Variants in BAG4 observed in about 807,000 individuals in gnomAD.
BAG4 encodes the protein BAG family molecular chaperone regulator 4.
Under a neutral mutation model 52.1 loss-of-function variants are expected in BAG4, and 28 were observed. The observed-to-expected ratio is 0.54, with a 90% CI of 0.40 to 0.74. BAG4 has a LOEUF of 0.74. Among genes scored for constraint, BAG4 ranks in the 30% least tolerant of loss-of-function variants. The pLI, the probability that BAG4 is intolerant of heterozygous loss-of-function variation, is 0.00. For synonymous variants in BAG4, 208 were observed against 217.0 expected, an observed-to-expected ratio of 0.96 and a Z score of 0.37; for missense variants, 525 against 572.0, an observed-to-expected ratio of 0.92 and a Z score of 0.84.
chr8:38,183,680 A>AT (rs571609602), intron 1 of BAG4, among the ~76,000 whole-genome samples: 149 of 149,716 alleles, frequency 1.0e-3, no homozygotes, highest in Middle Eastern at 3.5e-3. Flanking sequence ...TAATCTATTG[A>AT]TTTTTTTTTT....
chr8:38,198,907 T>TA (rs1294791648), intron 2 of BAG4, among the ~76,000 whole-genome samples: 1 of 152,116 alleles, frequency 6.6e-6, no homozygotes, highest in African/African-American at 2.4e-5. Flanking sequence ...CTTGGGGCAA[T>TA]AAGACAGGTG....
intron 1 of BAG4, among the ~76,000 whole-genome samples, chr8:38,181,785 A>G (rs1343747298): frequency 6.8e-6 from 1 of 147,652 alleles, no homozygotes; most frequent in African/African-American, 2.5e-5. Flanking sequence ...GGCGCCTGTA[A>G]TTGCAGCTAG....
intron 1 of BAG4, 45 bp from the exon 2 acceptor site, chr8:38,192,643 G>A (rs779229296): frequency 2.3e-5 from 32 of 1,401,408 alleles, no homozygotes; most frequent in Non-Finnish European, 3.0e-5. Flanking sequence ...TTAAAATGAT[G>A]TATGAATGTT....
chr8:38,195,577 C>T (rs1299124301), intron 2 of BAG4, among the ~76,000 whole-genome samples: 1 of 152,100 alleles, frequency 6.6e-6, no homozygotes, highest in East Asian at 1.9e-4. Flanking sequence ...AGGTGTGAGC[C>T]CTTGTGCCTG....
chr8:38,210,355 G>A lies in BAG4; in HGVS notation c.1236G>A (p.Leu412=), dbSNP rs1803846075. ...GKKTDKAYWL[L]EEMLTKELLE... is the part of the protein sequence containing the mutation. ...AGACAGACAAAGCATACTGGCTTCT[G>A]GAAGAAATGCTAACCAAGGAACTTT... The change falls in exon 5 of 5, where the codon CTG becomes CTA. Residue 412 remains leucine, a synonymous_variant. Transcript: ENST00000287322. 4 of 1,614,152 alleles carry A rather than the reference G, an allele frequency of 2.5e-6. No homozygotes were observed. The South Asian group carries it at 3.3e-5, about 13-fold the overall frequency.
intron 1 of BAG4, among the ~76,000 whole-genome samples, chr8:38,188,527 ACTT>A (rs1803406335): frequency 6.6e-6 from 1 of 151,634 alleles, no homozygotes; most frequent in Admixed American, 6.6e-5. Flanking sequence ...AATATGTACT[ACTT>A]TTATTAATTA....
At chr8:38,208,255 A>G (rs545076118) in intron 3 of BAG4, among the ~76,000 whole-genome samples, 1,491 of 137,588 alleles carry the variant, frequency 0.011, 13 homozygotes, top group Non-Finnish European at 0.017. Flanking sequence ...GATTACAGGC[A>G]TGAGCCACCG....
At chr8:38,201,858 A>T (rs867992171) in intron 2 of BAG4, 37 of 9,634 alleles carry the variant, frequency 3.8e-3, no homozygotes, top group Non-Finnish European at 6.9e-3. Flanking sequence ...ATATATATAT[A>T]TATATATATA....
intron 2 of BAG4, chr8:38,201,859 TA>T (rs1563284033): frequency 1.5e-3 from 13 of 8,958 alleles, no homozygotes; most frequent in African/African-American, 3.5e-3. Context: ...TATATATATA[TA>T]TATATATATA....
intron 1 of BAG4, among the ~76,000 whole-genome samples, chr8:38,180,377 G>A (rs1803241161): frequency 6.6e-6 from 1 of 151,764 alleles, no homozygotes; most frequent in Admixed American, 6.6e-5. Flanking sequence ...ACAAAAATTA[G>A]CCAGGCATGG....
At chr8:38,204,834 G>A (rs964636722) in intron 2 of BAG4, among the ~76,000 whole-genome samples, 1 of 151,922 alleles carries the variant, frequency 6.6e-6, no homozygotes, top group African/African-American at 2.4e-5. Context: ...GTATTTTGAA[G>A]CAATTTCAGA....
At chr8:38,200,990 T>G (rs1009443926) in intron 2 of BAG4, among the ~76,000 whole-genome samples, 3 of 152,224 alleles carry the variant, frequency 2.0e-5, no homozygotes, top group African/African-American at 7.2e-5. Flanking sequence ...GAGACAAAAC[T>G]CATAGTCATG....
chr8:38,180,576 A>G (rs1473596982), intron 1 of BAG4, among the ~76,000 whole-genome samples: 1 of 151,134 alleles, frequency 6.6e-6, no homozygotes, highest in East Asian at 1.9e-4. Flanking sequence ...AGATGTTGCA[A>G]TGTTTTTTCC....
chr8:38,188,966 T>TTC (rs1399186794), intron 1 of BAG4, among the ~76,000 whole-genome samples: 1 of 151,330 alleles, frequency 6.6e-6, no homozygotes, highest in East Asian at 1.9e-4. Context: ...GCTAATTTTT[T>TTC]TTTTTTTTTT....
At chr8:38,188,172 A>C (rs1382414573) in intron 1 of BAG4, among the ~76,000 whole-genome samples, 1 of 152,126 alleles carries the variant, frequency 6.6e-6, no homozygotes, top group Non-Finnish European at 1.5e-5. Flanking sequence ...AAAAGAAAGC[A>C]GTAAAGGTGG....
At chr8:38,204,698 TAAAC>T (rs1054024083) in intron 2 of BAG4, among the ~76,000 whole-genome samples, 1 of 140,836 alleles carries the variant, frequency 7.1e-6, no homozygotes, top group East Asian at 2.2e-4. Context: ...AGAAAAAAAA[TAAAC>T]AACAAAAGCC....
At chr8:38,207,164 G>A (rs1395304662) in intron 2 of BAG4, among the ~76,000 whole-genome samples, 1 of 151,982 alleles carries the variant, frequency 6.6e-6, no homozygotes, top group East Asian at 1.9e-4. Flanking sequence ...TTTTGGCCAG[G>A]CTGGTCTAGA....
intron 1 of BAG4, among the ~76,000 whole-genome samples, chr8:38,191,234 A>G (rs1055351710): frequency 1.3e-5 from 2 of 152,222 alleles, no homozygotes; most frequent in Admixed American, 6.5e-5. Context: ...ATTTGCAACT[A>G]TAATACCCGC....
At chr8:38,196,902 C>T (rs1406158921) in intron 2 of BAG4, among the ~76,000 whole-genome samples, 5 of 151,644 alleles carry the variant, frequency 3.3e-5, no homozygotes, top group African/African-American at 1.2e-4. Context: ...CATGGTGAAA[C>T]CCCTTCACTA....
Sources: gnomAD v4.1 joint callset for allele counts (sites outside exome capture counted in the v4.1 genomes callset) on GRCh38, gnomAD v4.1.1 for gene constraint, MANE v1.5 for transcripts, NCBI Gene and HGNC (gene_info 2026-07-23, HGNC 2026-07-21) for gene names.